The following RSPH9 variants were observed in gnomAD, a reference collection of about 807,000 sequenced individuals.
RSPH9 encodes radial spoke head protein 9 homolog.
In RSPH9, 27 loss-of-function variants were observed where a neutral mutation model predicts 27.0. That is an observed-to-expected ratio of 1.00 (90% CI 0.74 to 1.38). The LOEUF (loss-of-function observed/expected upper bound fraction) is 1.38, where lower values mean the gene tolerates loss of function less well. RSPH9 is among the 40% of genes most tolerant of loss of function. The pLI, the probability that RSPH9 is intolerant of heterozygous loss-of-function variation, is 0.00. For missense variants in RSPH9, 347 were observed against 357.4 expected, an observed-to-expected ratio of 0.97 and a Z score of 0.24; for synonymous variants, 145 against 147.7, an observed-to-expected ratio of 0.98 and a Z score of 0.13.
intron 4 of RSPH9, among the ~76,000 whole-genome samples, chr6:43,662,897 A>G (rs1266332932): frequency 6.6e-6 from 1 of 152,110 alleles, no homozygotes; most frequent in African/African-American, 2.4e-5. Context: ...CCTGGGCTCA[A>G]GCAATCCTCC....
At chr6:43,650,592 C>G in intron 2 of RSPH9, 52 bp downstream of exon 2, 1 of 1,599,190 alleles carries the variant, frequency 6.3e-7, no homozygotes, top group Non-Finnish European at 8.6e-7. Context: ...CTGGGCTCAT[C>G]CAAAACCCAG....
At chr6:43,664,880 A>T (rs1003016050) in intron 4 of RSPH9, among the ~76,000 whole-genome samples, 6 of 152,160 alleles carry the variant, frequency 3.9e-5, no homozygotes, top group Non-Finnish European at 7.4e-5. Context: ...CCTCGTTGAC[A>T]AAGGGAGCCT....
rs1220852075 is a variant in RSPH9, at chr6:43,656,498, T to C, written c.524-79T>C. ...ACAGGGTCTTTTGTAAGCCCTACCA[T>C]GTGGTCCCAGTGCAGACAGAAAGGG... On this transcript the variant is annotated intron_variant, in intron 3 of 4. Transcript: ENST00000372163. 4.6e-6 allele frequency: 7 copies of C among 1,509,022 alleles called. No homozygotes were observed. In the Admixed American group the frequency reaches 5.0e-5, roughly 11 times the overall value. The allele number at this position is 1,509,022 out of a possible 1,614,324, so 93.5% of individuals were successfully genotyped here. A position where few individuals can be genotyped will look rare whatever the true frequency, so the allele number is the denominator to read the frequency against.
At chr6:43,664,093 T>C (rs1483047594) in intron 4 of RSPH9, among the ~76,000 whole-genome samples, 5 of 151,258 alleles carry the variant, frequency 3.3e-5, no homozygotes. Flanking sequence ...AGATACAAAG[T>C]GAGCATATGC....
At chr6:43,646,664 C>CAAAA (rs751591133) in intron 1 of RSPH9, among the ~76,000 whole-genome samples, 48 of 71,572 alleles carry the variant, frequency 6.7e-4, no homozygotes, top group Middle Eastern at 9.6e-3. Context: ...CTCATCACTA[C>CAAAA]AAAAAAAAAA....
intron 4 of RSPH9, among the ~76,000 whole-genome samples, chr6:43,668,431 C>G (rs894084366): frequency 1.3e-5 from 2 of 152,176 alleles, no homozygotes; most frequent in Admixed American, 6.5e-5. Context: ...CACCAGCACC[C>G]TCCCGCCTGC....
intron 4 of RSPH9, among the ~76,000 whole-genome samples, chr6:43,666,785 A>G (rs1439939956): frequency 6.6e-6 from 1 of 152,078 alleles, no homozygotes; most frequent in East Asian, 1.9e-4. Flanking sequence ...ATATATATAC[A>G]TATATTTGAG....
chr6:43,662,619 G>A (rs1276379465), intron 4 of RSPH9, among the ~76,000 whole-genome samples: 1 of 151,506 alleles, frequency 6.6e-6, no homozygotes, highest in Non-Finnish European at 1.5e-5. Context: ...CACCTGCCTC[G>A]GCCTCCCAAA....
intron 4 of RSPH9, among the ~76,000 whole-genome samples, chr6:43,663,160 G>A (rs1256904904): frequency 6.6e-6 from 1 of 152,118 alleles, no homozygotes; most frequent in African/African-American, 2.4e-5. Flanking sequence ...TTGATTTAAA[G>A]TGAGAGGCGT....
At position 43,646,863 on chromosome 6, in the gene RSPH9, G is replaced by A. The variant is rs149007713; in HGVS notation, c.227+1538G>A. On this transcript the variant is annotated intron_variant, in intron 1 of 4. Transcript: ENST00000372163. ...CCTAGCTACTCGGGAGGCTGAGGCAGAAGAATCACTTGAATCTGGGAGGCG... is the reference window on the plus strand; with the variant it reads ...CCTAGCTACTCGGGAGGCTGAGGCAAAAGAATCACTTGAATCTGGGAGGCG... 7.1e-3 allele frequency among the ~76,000 whole-genome samples: 1,071 copies of A among 150,672 alleles called. 14 individuals carry two copies. The highest frequency in any genetic ancestry group is 0.025 in the African/African-American group (1,037 of 41,066).
chr6:43,671,726 C>G lies in RSPH9; in HGVS notation c.*777C>G, dbSNP rs115924755. Reference sequence around the variant, plus strand: ...TGAGTGGGCCTCCTACTCCCCAGCACAGGTGCAGGAGGAACTCTGGAAGCA... The same window carrying G: ...TGAGTGGGCCTCCTACTCCCCAGCAGAGGTGCAGGAGGAACTCTGGAAGCA... On this transcript the variant is annotated 3_prime_UTR_variant, in exon 5 of 5. Coordinates refer to ENST00000372163, the MANE Select transcript of RSPH9 (RefSeq NM_152732.5). 2.8e-3 allele frequency: 4,526 copies of G among 1,613,402 alleles called. 114 individuals carry two copies. In the African/African-American group the frequency reaches 0.053, roughly 19 times the overall value.
At chr6:43,657,818 G>A (rs1772180597) in intron 4 of RSPH9, among the ~76,000 whole-genome samples, 1 of 152,154 alleles carries the variant, frequency 6.6e-6, no homozygotes, top group Admixed American at 6.6e-5. Flanking sequence ...CTACCTCAAC[G>A]AGTTATGAGA....
chr6:43,663,375 T>A (rs1028268384), intron 4 of RSPH9, among the ~76,000 whole-genome samples: 1 of 152,030 alleles, frequency 6.6e-6, no homozygotes, highest in Non-Finnish European at 1.5e-5. Context: ...CATGCCACCA[T>A]GCCCAGCTAA....
intron 1 of RSPH9, among the ~76,000 whole-genome samples, chr6:43,645,998 A>C (rs1205617219): frequency 6.6e-6 from 1 of 152,192 alleles, no homozygotes; most frequent in African/African-American, 2.4e-5. Context: ...TCTGTCACCC[A>C]GGCTGGAGTG....
chr6:43,650,016 C>T (rs1465862279), intron 1 of RSPH9, among the ~76,000 whole-genome samples: 14 of 152,068 alleles, frequency 9.2e-5, no homozygotes, highest in Non-Finnish European at 1.9e-4. Context: ...CTGGTTCAAG[C>T]GATTCTCCTG....
At chr6:43,667,066 T>G (rs1399701555) in intron 4 of RSPH9, among the ~76,000 whole-genome samples, 1 of 152,218 alleles carries the variant, frequency 6.6e-6, no homozygotes, top group Non-Finnish European at 1.5e-5. Context: ...TCCTAGGTAG[T>G]ATCTTGCCAT....
Position 43,671,199 on chromosome 6 carries a change from C to T in RSPH9, c.*250C>T. 1.7e-6 allele frequency: 1 copy of T among 586,144 alleles called. No individual in the cohort carries two copies. The highest frequency in any genetic ancestry group is 3.0e-6 in the Non-Finnish European group (1 of 330,756). 36.3% of individuals were successfully genotyped at this position (586,144 alleles called of 1,614,324 possible). ...TGTGGGAGAAGGTGACAACCAGGGC[C>T]CCTTTGAGGAACGCAGTTTCTTGGA... On this transcript the variant is annotated 3_prime_UTR_variant, in exon 5 of 5. Transcript: ENST00000372163.
chr6:43,657,510 T>C (rs1289746089), intron 4 of RSPH9, among the ~76,000 whole-genome samples: 1 of 152,180 alleles, frequency 6.6e-6, no homozygotes, highest in South Asian at 2.1e-4. Context: ...GTTAAAGTGT[T>C]AGACTCCACA....
At chr6:43,667,718 G>A (rs777040103) in intron 4 of RSPH9, among the ~76,000 whole-genome samples, 27 of 152,304 alleles carry the variant, frequency 1.8e-4, no homozygotes, top group Non-Finnish European at 3.2e-4. Flanking sequence ...CCTCTAGGGG[G>A]TATATGATTC....
Sources: allele counts gnomAD v4.1 joint callset (sites outside exome capture counted in the v4.1 genomes callset), GRCh38; gene constraint gnomAD v4.1.1; transcripts MANE v1.5; gene names NCBI Gene and HGNC (gene_info 2026-07-23, HGNC 2026-07-21).